The following SLC9A9 variants were observed in gnomAD, a reference collection of about 807,000 sequenced individuals.
The protein encoded by SLC9A9 is solute carrier family 9 member A9.
A neutral mutation model predicts 77.8 loss-of-function variants in SLC9A9; 62 were observed. The ratio of observed to expected loss-of-function variants is 0.80; its 90% CI spans 0.65 to 0.98. The LOEUF (loss-of-function observed/expected upper bound fraction) is 0.98, where lower values mean the gene tolerates loss of function less well. Ranked by LOEUF, SLC9A9 falls within the 50% of genes least tolerant of loss-of-function variation. The pLI, the probability that SLC9A9 is intolerant of heterozygous loss-of-function variation, is 0.00. For synonymous variants in SLC9A9, 320 were observed against 283.5 expected, an observed-to-expected ratio of 1.13 and a Z score of -1.29; for missense variants, 775 against 774.9, an observed-to-expected ratio of 1.00 and a Z score of 0.00.
chr3:143,687,197 G>A (rs1049019554), intron 5 of SLC9A9, among the ~76,000 whole-genome samples: 8 of 152,268 alleles, frequency 5.3e-5, no homozygotes, highest in Non-Finnish European at 8.8e-5. Flanking sequence ...AAGACTAAAT[G>A]TGTATCCATA....
At chr3:143,614,762 T>A in intron 6 of SLC9A9, among the ~76,000 whole-genome samples, 1 of 152,228 alleles carries the variant, frequency 6.6e-6, no homozygotes. Context: ...TAACCTTTTA[T>A]GTATCAGGTG....
rs116812661 is a variant in SLC9A9, at chr3:143,419,762, G to A, written c.1470-37648C>T. On this transcript the variant is annotated intron_variant, in intron 12 of 15. Transcript: ENST00000316549. Reference sequence around the variant, plus strand: ...CAAAGGATGCAGATAAACCCCCACAGGCACAAGGCCCTATGAAAAACAAGA... The same window carrying A: ...CAAAGGATGCAGATAAACCCCCACAAGCACAAGGCCCTATGAAAAACAAGA... Among the ~76,000 whole-genome samples, 1,106 of 152,252 alleles carry A rather than the reference G, an allele frequency of 7.3e-3. 13 individuals carry two copies. Among genetic ancestry groups the A allele is most frequent in the African/African-American group, 0.025 (1,058 of 41,526 alleles).
intron 1 of SLC9A9, among the ~76,000 whole-genome samples, chr3:143,832,717 T>TA (rs879670680): frequency 1.6e-3 from 246 of 151,266 alleles, no homozygotes; most frequent in Middle Eastern, 3.4e-3. Flanking sequence ...ATAGTTCTTT[T>TA]TTTTTTTTTT....
At chr3:143,628,750 A>G (rs143734457) in intron 6 of SLC9A9, among the ~76,000 whole-genome samples, 1 of 152,320 alleles carries the variant, frequency 6.6e-6, no homozygotes, top group African/African-American at 2.4e-5. Context: ...CTTTGGTGGT[A>G]TCAGAGTTCA....
chr3:143,437,917 C>T (rs1317701198), intron 12 of SLC9A9, among the ~76,000 whole-genome samples: 1 of 152,180 alleles, frequency 6.6e-6, no homozygotes, highest in East Asian at 1.9e-4. Context: ...AATGGCTAGG[C>T]TCTCTCATAT....
rs1484108466 is a variant in SLC9A9, at chr3:143,493,744, T to C, written c.1224A>G (p.Arg408=). 6.2e-7 allele frequency: 1 copy of C among 1,613,994 alleles called. No individual in the cohort carries two copies. Among genetic ancestry groups the C allele is most frequent in the Non-Finnish European group, 8.5e-7 (1 of 1,179,866 alleles). The change falls in exon 11 of 16, where the codon AGA becomes AGG. Residue 408 remains arginine (R), a synonymous_variant. Transcript: ENST00000316549. The part of the protein sequence containing the change: ...LGAFLAIFVA[R]ACNIYPLSFL... ...AGGAGAGGGGATATATGTTGCAGGCTCTGGCAACAAAAATTGCTAGCTGTA... is the reference window on the plus strand; with the variant it reads ...AGGAGAGGGGATATATGTTGCAGGCCCTGGCAACAAAAATTGCTAGCTGTA...
intron 14 of SLC9A9, among the ~76,000 whole-genome samples, chr3:143,304,457 A>G (rs1056081094): frequency 4.6e-5 from 7 of 152,308 alleles, no homozygotes; most frequent in South Asian, 2.1e-4. Context: ...GCCTCTTGAT[A>G]AGTTTGAGTT....
intron 12 of SLC9A9, among the ~76,000 whole-genome samples, chr3:143,395,467 A>T (rs2033703133): frequency 6.6e-6 from 1 of 152,242 alleles, no homozygotes; most frequent in Non-Finnish European, 1.5e-5. Flanking sequence ...TTAAGGACTT[A>T]AATGTTAGAC....
chr3:143,288,351 C>G (rs936217962), intron 14 of SLC9A9, among the ~76,000 whole-genome samples: 1 of 152,066 alleles, frequency 6.6e-6, no homozygotes, highest in Non-Finnish European at 1.5e-5. Context: ...TATAAATACG[C>G]AGCTCAGGTT....
chr3:143,565,714 GT>G lies in SLC9A9; in HGVS notation c.1000+8373del, dbSNP rs200968782. On this transcript the variant is annotated intron_variant, in intron 8 of 15. Coordinates refer to ENST00000316549, the MANE Select transcript of SLC9A9 (RefSeq NM_173653.4). ...CTAATATTTTGAGCCTCAGGGTTTT[GT>G]TTTTTTTTTTCCAGCTTGGAAAACA... Among the ~76,000 whole-genome samples the G allele has an allele frequency of 3.7e-3, 540 of 146,328 alleles. 5 individuals are homozygous for G. Among genetic ancestry groups the G allele is most frequent in the African/African-American group, 0.011 (454 of 40,234 alleles).
At chr3:143,512,816 A>C (rs1030367310) in intron 9 of SLC9A9, among the ~76,000 whole-genome samples, 2 of 152,244 alleles carry the variant, frequency 1.3e-5, no homozygotes, top group African/African-American at 4.8e-5. Flanking sequence ...CAGAGGTTAC[A>C]GTGAGCCAAG....
chr3:143,744,806 C>G (rs74398060), intron 4 of SLC9A9, among the ~76,000 whole-genome samples: 1 of 152,096 alleles, frequency 6.6e-6, no homozygotes, highest in Non-Finnish European at 1.5e-5. Flanking sequence ...GAGGTATGAG[C>G]CTGGGATAGT....
chr3:143,638,822 C>T (rs2038572612), intron 6 of SLC9A9, among the ~76,000 whole-genome samples: 1 of 152,216 alleles, frequency 6.6e-6, no homozygotes, highest in Non-Finnish European at 1.5e-5. Flanking sequence ...CTAAGCATCC[C>T]ATGCCCCAGT....
At chr3:143,592,055 C>A (rs1402781902) in intron 6 of SLC9A9, among the ~76,000 whole-genome samples, 2 of 152,202 alleles carry the variant, frequency 1.3e-5, no homozygotes, top group African/African-American at 4.8e-5. Flanking sequence ...TTAAAACTTT[C>A]ATCACCTTCT....
chr3:143,477,340 T>C (rs2035495011), intron 11 of SLC9A9, among the ~76,000 whole-genome samples: 1 of 144,792 alleles, frequency 6.9e-6, no homozygotes, highest in Admixed American at 6.9e-5. Flanking sequence ...ATTTTTTTTT[T>C]TTTTTTTCCC....
At chr3:143,616,725 C>G (rs886456878) in intron 6 of SLC9A9, among the ~76,000 whole-genome samples, 1 of 152,140 alleles carries the variant, frequency 6.6e-6, no homozygotes, top group Non-Finnish European at 1.5e-5. Context: ...AAATCCTGGC[C>G]TAGGAGGCTA....
intron 4 of SLC9A9, among the ~76,000 whole-genome samples, chr3:143,772,641 G>T (rs770231287): frequency 6.6e-6 from 1 of 152,142 alleles, no homozygotes; most frequent in Non-Finnish European, 1.5e-5. Context: ...GATAAATACC[G>T]CAGATGCCTT....
At chr3:143,511,277 C>T (rs1301400670) in intron 9 of SLC9A9, among the ~76,000 whole-genome samples, 5 of 152,192 alleles carry the variant, frequency 3.3e-5, no homozygotes, top group Non-Finnish European at 7.3e-5. Context: ...ACTGTCCAAG[C>T]TATGGCCATC....
intron 2 of SLC9A9, among the ~76,000 whole-genome samples, chr3:143,803,979 C>T (rs2108865759): frequency 6.6e-6 from 1 of 152,266 alleles, no homozygotes; most frequent in South Asian, 2.1e-4. Context: ...ACTTAAAAAA[C>T]CTTTCTCCTT....
Sources: allele counts gnomAD v4.1 joint callset (sites outside exome capture counted in the v4.1 genomes callset), GRCh38; gene constraint gnomAD v4.1.1; transcripts MANE v1.5; gene names NCBI Gene and HGNC (gene_info 2026-07-23, HGNC 2026-07-21).